EIF3I: variants seen among roughly 807,000 people sequenced by gnomAD.
EIF3I encodes TGF-beta receptor-interacting protein 1.
A neutral mutation model predicts 43.3 loss-of-function variants in EIF3I; 20 were observed. That is an observed-to-expected ratio of 0.46 (90% CI 0.32 to 0.67). The LOEUF (loss-of-function observed/expected upper bound fraction) is 0.67, where lower values mean the gene tolerates loss of function less well. EIF3I is among the 30% of genes least tolerant of loss of function. The pLI is 0.03. For missense variants in EIF3I, 279 were observed against 421.4 expected, an observed-to-expected ratio of 0.66 and a Z score of 2.96; for synonymous variants, 167 against 151.7, an observed-to-expected ratio of 1.10 and a Z score of -0.74.
intron 2 of EIF3I, among the ~76,000 whole-genome samples, chr1:32,222,995 GA>G (rs1639054675): frequency 6.6e-6 from 1 of 152,204 alleles, no homozygotes; most frequent in Non-Finnish European, 1.5e-5. Flanking sequence ...TTCGGAGTCT[GA>G]AACGAGAGGA....
intron 4 of EIF3I, among the ~76,000 whole-genome samples, chr1:32,225,911 C>G (rs1209753343): frequency 6.6e-6 from 1 of 151,700 alleles, no homozygotes; most frequent in Non-Finnish European, 1.5e-5. Flanking sequence ...GTCCCAGCTA[C>G]TTGGGAGGCT....
chr1:32,226,824 CTTTT>C (rs1216197071), intron 6 of EIF3I, among the ~76,000 whole-genome samples: 1 of 78,622 alleles, frequency 1.3e-5, no homozygotes, highest in Non-Finnish European at 2.3e-5. Flanking sequence ...CCGCTCGTGG[CTTTT>C]TTTTTTTTTT....
At chr1:32,222,586 T>C in exon 2 of EIF3I, 6 of 1,614,076 alleles carry the variant, frequency 3.7e-6, no homozygotes, top group Non-Finnish European at 5.1e-6. Flanking sequence ...GCAGATTAAG[T>C]ATAACCGCGA....
chr1:32,233,923 G>C (rs1217930867), downstream of EIF3I: 1 of 152,190 alleles, frequency 6.6e-6, no homozygotes, highest in Non-Finnish European at 1.5e-5. Context: ...GGAAGTATGA[G>C]ATTTGGAGGT....
At chr1:32,235,610 C>T (rs372788986), downstream of EIF3I, among the ~76,000 whole-genome samples, 45 of 152,264 alleles carry the variant, frequency 3.0e-4, no homozygotes, top group African/African-American at 1.0e-3. Context: ...TGAGCCACCG[C>T]GCCCAGCCTA....
downstream of EIF3I, among the ~76,000 whole-genome samples, chr1:32,233,745 C>T (rs952961958): frequency 6.6e-6 from 1 of 152,172 alleles, no homozygotes; most frequent in African/African-American, 2.4e-5. Context: ...TTGAAACAAT[C>T]GACCTTGCAA....
intron 6 of EIF3I, 37 bp from the exon 7 acceptor site, chr1:32,228,462 T>C (rs770673407): frequency 3.2e-6 from 5 of 1,558,488 alleles, no homozygotes; most frequent in Non-Finnish European, 4.4e-6. Context: ...TTAGTAGGGA[T>C]TGGGCCCATT....
At chr1:32,226,852 A>ATTTT (rs1639155654) in intron 6 of EIF3I, among the ~76,000 whole-genome samples, 1 of 40,688 alleles carries the variant, frequency 2.5e-5, no homozygotes, top group Admixed American at 3.9e-4. Flanking sequence ...TTTTTTTTTG[A>ATTTT]GACAGAGTAT....
At chr1:32,226,310 G>T in exon 5 of EIF3I, 1 of 1,614,134 alleles carries the variant, frequency 6.2e-7, no homozygotes, top group Non-Finnish European at 8.5e-7. Flanking sequence ...TGCGGGATCC[G>T]AGCCAGATTG....
At chr1:32,228,321 T>C (rs559791267) in intron 6 of EIF3I, among the ~76,000 whole-genome samples, 178 bp from the exon 7 acceptor site, 1 of 152,278 alleles carries the variant, frequency 6.6e-6, no homozygotes, top group East Asian at 1.9e-4. Context: ...CCAATAGGCA[T>C]AGGATGTACA....
At chr1:32,228,473 C>G in intron 6 of EIF3I, 26 bp from the exon 7 acceptor site, 1 of 1,593,662 alleles carries the variant, frequency 6.3e-7, no homozygotes, top group Non-Finnish European at 8.6e-7. Flanking sequence ...TGGGCCCATT[C>G]AGTGTCACTC....
chr1:32,230,550 G>T (rs1639219664), intron 10 of EIF3I, among the ~76,000 whole-genome samples: 1 of 151,306 alleles, frequency 6.6e-6, no homozygotes, highest in Non-Finnish European at 1.5e-5. Flanking sequence ...GATACAATTT[G>T]CATTTGAGGC....
At chr1:32,225,871 A>G (rs1220682512) in intron 4 of EIF3I, among the ~76,000 whole-genome samples, 1 of 151,952 alleles carries the variant, frequency 6.6e-6, no homozygotes, top group East Asian at 1.9e-4. Context: ...AATACAAAAA[A>G]TTAGCGGGGC....
chr1:32,222,903 C>A (rs867757091), intron 2 of EIF3I, among the ~76,000 whole-genome samples: 3 of 152,008 alleles, frequency 2.0e-5, no homozygotes, highest in Admixed American at 6.6e-5. Context: ...TGGAGACCAG[C>A]CTGAGCAACG....
chr1:32,225,334 A>G (rs908500538), intron 4 of EIF3I, among the ~76,000 whole-genome samples: 1 of 152,252 alleles, frequency 6.6e-6, no homozygotes, highest in Non-Finnish European at 1.5e-5. Context: ...GAGGGAAATC[A>G]GATCAGGTCT....
At chr1:32,224,388 A>G (rs1569856770) in intron 3 of EIF3I, 22 bp from the exon 4 acceptor site, 1 of 1,610,474 alleles carries the variant, frequency 6.2e-7, no homozygotes, top group Admixed American at 1.7e-5. Flanking sequence ...GAACTTCGTC[A>G]TATTTCTTAA....
rs193103165 is a variant in EIF3I, at chr1:32,229,353, C to T, written c.803+145C>T. 7.6e-5 allele frequency: 59 copies of T among 780,958 alleles called. No homozygotes were observed. In the Admixed American group the frequency reaches 1.3e-3, roughly 17 times the overall value. The allele number at this position is 780,958 out of a possible 1,614,324, so 48.4% of individuals were successfully genotyped here. A position where few individuals can be genotyped will look rare whatever the true frequency, so the allele number is the denominator to read the frequency against. ...TCTGCTCACTGCAAGCTCTGCCTCC[C>T]GGGTTGACGCCATTCTCCTGCCTCA... is the stretch of plus-strand genomic sequence containing the variant. On this transcript the variant is annotated intron_variant, in intron 9 of 11. Coordinates refer to ENST00000676679, the Ensembl canonical transcript of EIF3I.
rs367916304 is a variant in EIF3I at position 32,226,152 on chromosome 1, A to G, written c.251-19A>G. The stretch of plus-strand genomic sequence containing the variant: ...GCAATTGCAATGGATGGTGTAGCCC[A>G]GACTTTGCCTGACTCCAGGAAAGCA... On this transcript the variant is annotated intron_variant, in intron 4 of 11. Transcript: ENST00000676679. 4.0e-5 allele frequency: 64 copies of G among 1,613,356 alleles called. No homozygotes were observed. Among genetic ancestry groups the G allele is most frequent in the Non-Finnish European group, 5.2e-5 (61 of 1,179,566 alleles).
exon 3 of EIF3I, chr1:32,224,081 C>T: frequency 1.9e-6 from 3 of 1,614,182 alleles, no homozygotes; most frequent in Non-Finnish European, 2.5e-6. Context: ...TGGGCACCTA[C>T]ATGGGCCATA....
Sources: allele counts gnomAD v4.1 joint callset (sites outside exome capture counted in the v4.1 genomes callset), GRCh38; gene constraint gnomAD v4.1.1; transcripts MANE v1.5; gene names NCBI Gene and HGNC (gene_info 2026-07-23, HGNC 2026-07-21).